The following UBE3A variants were observed in gnomAD, a reference collection of about 807,000 sequenced individuals.
The protein encoded by UBE3A is ubiquitin-protein ligase E3A.
A neutral mutation model predicts 83.4 loss-of-function variants in UBE3A; 6 were observed. The observed-to-expected ratio is 0.07, with a 90% CI of 0.04 to 0.14. UBE3A has a LOEUF of 0.14. UBE3A is among the 10% of genes least tolerant of loss of function. UBE3A has a pLI of 1.00. For missense variants in UBE3A, 456 were observed against 1,036.1 expected (o/e 0.44, Z 7.69); for synonymous variants, 337 against 355.4 (o/e 0.95, Z 0.58).
rs369685663 is a variant in UBE3A at position 25,368,775 on chromosome 15, G to C, written c.1608+1791C>G. On this transcript the variant is annotated intron_variant, in intron 6 of 12. Coordinates refer to ENST00000648336, the MANE Select transcript of UBE3A (RefSeq NM_130839.5). ...AATAGAATTTAAAATATAGAATAAA[G>C]TATATACCAAGTACTTAAACTTTTG... Among the ~76,000 whole-genome samples the C allele has an allele frequency of 1.4e-4, 21 of 152,040 alleles. No individual in the cohort carries two copies. In the East Asian group the frequency reaches 3.3e-3, roughly 24 times the overall value.
intron 11 of UBE3A, among the ~76,000 whole-genome samples, chr15:25,341,109 G>C (rs997097142): frequency 6.6e-6 from 1 of 150,690 alleles, no homozygotes; most frequent in Non-Finnish European, 1.5e-5. Flanking sequence ...TTGCTCTGTC[G>C]CTCAGGCTGG....
At chr15:25,416,670 T>C (rs1887014460) in intron 1 of UBE3A, among the ~76,000 whole-genome samples, 1 of 149,348 alleles carries the variant, frequency 6.7e-6, no homozygotes, top group Admixed American at 6.7e-5. Flanking sequence ...CCTCATATGG[T>C]ATTAGCATTA....
intron 1 of UBE3A, among the ~76,000 whole-genome samples, chr15:25,423,166 G>T (rs928683756): frequency 6.6e-6 from 1 of 151,704 alleles, no homozygotes; most frequent in African/African-American, 2.4e-5. Context: ...TTATAATAAA[G>T]AATTAAATGA....
intron 10 of UBE3A, 35 bp downstream of exon 10, chr15:25,354,493 G>C (rs373454932): frequency 6.2e-7 from 1 of 1,613,550 alleles, no homozygotes; most frequent in Non-Finnish European, 8.5e-7. Context: ...ACAATAAATC[G>C]ATACATGACT....
At chr15:25,374,076 T>C (rs1358460738) in intron 5 of UBE3A, 3 of 152,112 alleles carry the variant, frequency 2.0e-5, no homozygotes, top group African/African-American at 7.2e-5. Context: ...AGAGTACTAG[T>C]GTACAGAAAG....
intron 4 of UBE3A, among the ~76,000 whole-genome samples, chr15:25,403,981 A>G (rs1157353896): frequency 6.6e-6 from 1 of 152,200 alleles, no homozygotes. Context: ...ATGGGTACAG[A>G]GTTTCAGTTC....
chr15:25,416,092 G>A (rs1051671306), intron 1 of UBE3A, among the ~76,000 whole-genome samples: 4 of 151,868 alleles, frequency 2.6e-5, no homozygotes, highest in Non-Finnish European at 5.9e-5. Flanking sequence ...AATTAAAATC[G>A]GCATGCCTTT....
intron 12 of UBE3A, 26 bp downstream of exon 12, chr15:25,340,059 A>G: frequency 6.2e-7 from 1 of 1,613,884 alleles, no homozygotes; most frequent in Admixed American, 1.7e-5. Context: ...CGGTAGGTAT[A>G]CAGTCACAAG....
chr15:25,342,521 T>C (rs2075014038), intron 11 of UBE3A, among the ~76,000 whole-genome samples: 1 of 152,148 alleles, frequency 6.6e-6, no homozygotes, highest in Non-Finnish European at 1.5e-5. Context: ...AGAATGCATA[T>C]ATTTAGAAAG....
intron 1 of UBE3A, among the ~76,000 whole-genome samples, chr15:25,412,256 C>G (rs1289572532): frequency 6.6e-6 from 1 of 152,170 alleles, no homozygotes; most frequent in Non-Finnish European, 1.5e-5. Context: ...TCCAAAAGGG[C>G]TAAACACATA....
chr15:25,354,146 T>C, intron 11 of UBE3A: 1 of 610,594 alleles, frequency 1.6e-6, no homozygotes, highest in South Asian at 2.0e-5. Flanking sequence ...ACATGAGACT[T>C]ATATATAACA....
At chr15:25,368,872 A>T (rs1001934608) in intron 6 of UBE3A, among the ~76,000 whole-genome samples, 2 of 152,208 alleles carry the variant, frequency 1.3e-5, no homozygotes, top group African/African-American at 2.4e-5. Flanking sequence ...CTTCTGAGCG[A>T]AAGACAGATA....
intron 12 of UBE3A, chr15:25,339,682 G>A (rs2074399288): frequency 3.2e-6 from 1 of 312,498 alleles, no homozygotes; most frequent in South Asian, 3.1e-5. Context: ...GCTCTTAAAT[G>A]CTTATTAGAA....
intron 4 of UBE3A, among the ~76,000 whole-genome samples, chr15:25,383,660 G>A: frequency 6.6e-6 from 1 of 151,966 alleles, no homozygotes. Context: ...AAACAAAAAC[G>A]CTCAATTCGC....
At chr15:25,382,935 G>C (rs1384826824) in intron 4 of UBE3A, among the ~76,000 whole-genome samples, 1 of 151,836 alleles carries the variant, frequency 6.6e-6, no homozygotes, top group Non-Finnish European at 1.5e-5. Context: ...ATTAGAGATT[G>C]AATCAGTAAC....
rs185758044 is a variant in UBE3A, at chr15:25,360,835, A to G, written c.1609-308T>C. On this transcript the variant is annotated intron_variant, in intron 6 of 12. Transcript: ENST00000648336. Reference sequence around the variant, plus strand: ...GTGTTAAGTCTGGACTACACAGGACATGGAAAAGCAGCTAAATCATTTCAG... The same window carrying G: ...GTGTTAAGTCTGGACTACACAGGACGTGGAAAAGCAGCTAAATCATTTCAG... Among the ~76,000 whole-genome samples the G allele has an allele frequency of 5.6e-4, 82 of 147,650 alleles. No individual in the cohort carries two copies. The East Asian group carries it at 8.9e-3, about 16-fold the overall frequency.
intron 11 of UBE3A, among the ~76,000 whole-genome samples, chr15:25,340,681 C>T (rs2074592692): frequency 6.6e-6 from 1 of 151,966 alleles, no homozygotes; most frequent in African/African-American, 2.4e-5. Flanking sequence ...TTTAACTCAA[C>T]TTTGGGAGGA....
At chr15:25,403,889 T>C (rs1206540037) in intron 4 of UBE3A, among the ~76,000 whole-genome samples, 2 of 152,286 alleles carry the variant, frequency 1.3e-5, no homozygotes, top group East Asian at 3.9e-4. Context: ...TAGGGGGTAC[T>C]TAGAGCAGTC....
intron 4 of UBE3A, among the ~76,000 whole-genome samples, chr15:25,401,987 A>G (rs2087246783): frequency 6.6e-6 from 1 of 152,144 alleles, no homozygotes; most frequent in Admixed American, 6.5e-5. Context: ...AAATTCATTG[A>G]GCTTCCTTAA....
Sources: gnomAD v4.1 joint callset for allele counts (sites outside exome capture counted in the v4.1 genomes callset) on GRCh38, gnomAD v4.1.1 for gene constraint, MANE v1.5 for transcripts, NCBI Gene and HGNC (gene_info 2026-07-23, HGNC 2026-07-21) for gene names.